The following DPEP3 variants were observed in gnomAD, a reference collection of about 807,000 sequenced individuals.
The protein encoded by DPEP3 is dipeptidase 3.
DPEP3 carries 42 observed loss-of-function variants against 47.5 expected under a neutral mutation model. The observed-to-expected ratio is 0.88, with a 90% confidence interval of 0.69 to 1.14. The LOEUF (loss-of-function observed/expected upper bound fraction) is 1.14. Among genes scored for constraint, DPEP3 ranks in the 50% most tolerant of loss-of-function variants. The pLI, the probability that DPEP3 is intolerant of heterozygous loss-of-function variation, is 0.00. For synonymous variants in DPEP3, 276 were observed against 270.2 expected (o/e 1.02, Z -0.21); for missense variants, 560 against 635.0 (o/e 0.88, Z 1.27).
At chr16:67,980,016 T>C (rs2031287523) in intron 1 of DPEP3, 78 bp downstream of exon 1, 2 of 1,526,698 alleles carry the variant, frequency 1.3e-6, no homozygotes, top group East Asian at 2.3e-5. Flanking sequence ...GATAGCCTCC[T>C]TGATAGCATG....
At position 67,977,296 on chromosome 16, in the gene DPEP3, A is replaced by AG; in HGVS notation, c.991dup (p.Leu331ProfsTer4). On this transcript the variant is annotated frameshift_variant, in exon 7 of 10. Coordinates refer to ENST00000268793, the MANE Select transcript of DPEP3 (RefSeq NM_001370198.1). LOFTEE classifies it high-confidence loss of function. ...TGCCACAGTGGACACGTTAGCAAGC[A>AG]GGTTGCACTGCAGCACCCCCATGGA... is the stretch of plus-strand genomic sequence containing the variant. 6.2e-7 allele frequency: 1 copy of AG among 1,613,968 alleles called. No homozygotes were observed. Among genetic ancestry groups the AG allele is most frequent in the Non-Finnish European group, 8.5e-7 (1 of 1,179,882 alleles).
In DPEP3 at chr16:67,978,746, A is replaced by G; in HGVS notation, c.415-120T>C. 1 of 1,136,536 alleles carries G rather than the reference A, an allele frequency of 8.8e-7. No homozygotes were observed. The highest frequency in any genetic ancestry group is 1.4e-5 in the South Asian group (1 of 69,124). The allele number at this position is 1,136,536 out of a possible 1,614,324, so 70.4% of individuals were successfully genotyped here. On this transcript the variant is annotated intron_variant, in intron 2 of 9. Coordinates refer to ENST00000268793, the MANE Select transcript of DPEP3 (RefSeq NM_001370198.1). The surrounding 1 kb of genome is among the most constrained non-coding windows in gnomAD (Gnocchi z 4.4). ...GGTCAGTGGCCCCAAGTGAGGCACT[A>G]CATGACTCCATGGTACCTTGATGAC...
intron 7 of DPEP3, among the ~76,000 whole-genome samples, 164 bp from the exon 8 acceptor site, chr16:67,976,939 T>G (rs1411259870): frequency 6.6e-6 from 1 of 152,190 alleles, no homozygotes; most frequent in East Asian, 1.9e-4. Context: ...GAGTGGACCT[T>G]GGAGCCACCC....
chr16:67,978,216 G>C lies in DPEP3; in HGVS notation c.686+51C>G. 6.2e-7 allele frequency: 1 copy of C among 1,611,940 alleles called. No homozygotes were observed. ...TTGGTCACACCCATGCCAGGAATGG[G>C]GCAGTTTCCACACCATGCCATCTAG... On this transcript the variant is annotated intron_variant, in intron 4 of 9. Transcript: ENST00000268793. This position sits in a 1 kb window ranked among gnomAD's most constrained non-coding sequence, Gnocchi z 4.4.
Position 67,978,079 on chromosome 16 carries a change from C to G in DPEP3, c.687-72G>C, listed in dbSNP as rs2031240179. 1 of 1,587,176 alleles carries G rather than the reference C, an allele frequency of 6.3e-7. No individual in the cohort carries two copies. The highest frequency in any genetic ancestry group is 8.6e-7 in the Non-Finnish European group (1 of 1,156,778). On this transcript the variant is annotated intron_variant, in intron 4 of 9. Coordinates refer to ENST00000268793, the MANE Select transcript of DPEP3 (RefSeq NM_001370198.1). This position sits in a 1 kb window ranked among gnomAD's most constrained non-coding sequence, Gnocchi z 4.4. ...CCATCACAGCCTGGGGGCCCTGGCTCTATCCATCCATCCTGCTTCCAGAAC... is the reference window on the plus strand; with the variant it reads ...CCATCACAGCCTGGGGGCCCTGGCTGTATCCATCCATCCTGCTTCCAGAAC...
rs576891145 is a variant in DPEP3 at position 67,979,526 on chromosome 16, C to T, written c.414+113G>A. The T allele has an allele frequency of 1.3e-4, 185 of 1,470,622 alleles. 3 individuals are homozygous for T. In the South Asian group the frequency reaches 2.3e-3, roughly 18 times the overall value. 91.1% of individuals were successfully genotyped at this position (1,470,622 alleles called of 1,614,324 possible). A position where few individuals can be genotyped will look rare whatever the true frequency, so the allele number is the denominator to read the frequency against. Reference sequence around the variant, plus strand: ...ACTCTCCTTAGAAACCACATGATGGCACACTGCATGCCCCATTGTATTTAG... The same window carrying T: ...ACTCTCCTTAGAAACCACATGATGGTACACTGCATGCCCCATTGTATTTAG... On this transcript the variant is annotated intron_variant, in intron 2 of 9. Transcript: ENST00000268793.
At position 67,975,750 on chromosome 16, in the gene DPEP3, C is replaced by A; in HGVS notation, c.*15G>T. Reference sequence around the variant, plus strand: ...TGAGGCTTTGCCACAGTGACCTCTGCGGGGACCGACTGTGTCAGCAGAGCC... The same window carrying A: ...TGAGGCTTTGCCACAGTGACCTCTGAGGGGACCGACTGTGTCAGCAGAGCC... On this transcript the variant is annotated 3_prime_UTR_variant, in exon 10 of 10. Coordinates refer to ENST00000268793, the MANE Select transcript of DPEP3 (RefSeq NM_001370198.1). The A allele has an allele frequency of 6.2e-7, 1 of 1,602,358 alleles. No homozygotes were observed. Among genetic ancestry groups the A allele is most frequent in the Non-Finnish European group, 8.5e-7 (1 of 1,174,254 alleles).
In DPEP3 at chr16:67,978,819, T is replaced by C. The variant is rs1287987475; in HGVS notation, c.415-193A>G. 6.6e-6 allele frequency among the ~76,000 whole-genome samples: 1 copy of C among 152,032 alleles called. No individual in the cohort carries two copies. The highest frequency in any genetic ancestry group is 1.5e-5 in the Non-Finnish European group (1 of 68,006). On this transcript the variant is annotated intron_variant, in intron 2 of 9. Coordinates refer to ENST00000268793, the MANE Select transcript of DPEP3 (RefSeq NM_001370198.1). The surrounding 1 kb of genome is among the most constrained non-coding windows in gnomAD (Gnocchi z 4.4). The stretch of plus-strand genomic sequence containing the variant: ...TTTTATTTTAAAATTTGAGACAGGG[T>C]CTTGCTCTGTCACCCAGGCTAGAGT...
chr16:67,980,308 G>GT lies in DPEP3; in HGVS notation c.72dup (p.Leu25ThrfsTer75). On this transcript the variant is annotated frameshift_variant, in exon 1 of 10. Transcript: ENST00000268793. LOFTEE classifies it high-confidence loss of function. ...ACGGGCTGCCGCAGCAGCAGCAGCAGTAGCAGGAGCAGCAGACGCCGCAGA... is the reference window on the plus strand; with the variant it reads ...ACGGGCTGCCGCAGCAGCAGCAGCAGTTAGCAGGAGCAGCAGACGCCGCAGA... The GT allele has an allele frequency of 6.4e-7, 1 of 1,565,628 alleles. No individual in the cohort carries two copies. The highest frequency in any genetic ancestry group is 1.2e-5 in the South Asian group (1 of 86,422).
At position 67,975,725 on chromosome 16, in the gene DPEP3, T is replaced by G. The variant is rs772971874; in HGVS notation, c.*40A>C. Reference sequence around the variant, plus strand: ...GAATGAACTAGGAGAGGGGGCTTTGTGAGGCTTTGCCACAGTGACCTCTGC... The same window carrying G: ...GAATGAACTAGGAGAGGGGGCTTTGGGAGGCTTTGCCACAGTGACCTCTGC... On this transcript the variant is annotated 3_prime_UTR_variant, in exon 10 of 10. Coordinates refer to ENST00000268793, the MANE Select transcript of DPEP3 (RefSeq NM_001370198.1). 6.4e-7 allele frequency: 1 copy of G among 1,564,326 alleles called. No individual in the cohort carries two copies. Among genetic ancestry groups the G allele is most frequent in the African/African-American group, 1.4e-5 (1 of 74,004 alleles).
At chr16:67,976,028 G>A (rs2031187510) in intron 9 of DPEP3, 27 bp from the exon 10 acceptor site, 2 of 1,613,372 alleles carry the variant, frequency 1.2e-6, no homozygotes, top group African/African-American at 2.7e-5. Flanking sequence ...GCAGTCAGAG[G>A]CTCCCACAGC....
intron 7 of DPEP3, 42 bp downstream of exon 7, chr16:67,977,228 A>G (rs1210842959): frequency 1.3e-6 from 2 of 1,591,292 alleles, no homozygotes; most frequent in East Asian, 4.5e-5. Flanking sequence ...CCTGGCAGCC[A>G]CAGCCCAAGC....
At chr16:67,979,576 G>T (rs1292545602) in intron 2 of DPEP3, 63 bp downstream of exon 2, 3 of 1,601,202 alleles carry the variant, frequency 1.9e-6, no homozygotes, top group Non-Finnish European at 1.7e-6. Context: ...GCTGACCCAG[G>T]TTTCTGTGAC....
At chr16:67,977,546 A>T in intron 6 of DPEP3, 107 bp downstream of exon 6, 5 of 1,402,474 alleles carry the variant, frequency 3.6e-6, no homozygotes, top group Non-Finnish European at 4.8e-6. Context: ...AGGATTAACC[A>T]GCCTTTGGTC....
rs1458165739 is a variant in DPEP3 at position 67,978,042 on chromosome 16, T to C, written c.687-35A>G. ...AGCCATGGAAGGGCAATTTAGCTGATCACACCTTGGGCCATCACAGCCTGG... is the reference window on the plus strand; with the variant it reads ...AGCCATGGAAGGGCAATTTAGCTGACCACACCTTGGGCCATCACAGCCTGG... On this transcript the variant is annotated intron_variant, in intron 4 of 9. Transcript: ENST00000268793. The surrounding 1 kb of genome is among the most constrained non-coding windows in gnomAD (Gnocchi z 4.4). The C allele has an allele frequency of 1.9e-6, 3 of 1,612,908 alleles. No homozygotes were observed. The highest frequency in any genetic ancestry group is 1.3e-5 in the African/African-American group (1 of 75,008).
At chr16:67,976,858 G>T in intron 7 of DPEP3, 83 bp from the exon 8 acceptor site, 1 of 1,222,482 alleles carries the variant, frequency 8.2e-7, no homozygotes, top group Non-Finnish European at 1.2e-6. Context: ...GGCTGTGGCA[G>T]TTGGCTCCAC....
In DPEP3 at chr16:67,978,287, GGTAA is replaced by G. The variant is rs2031244588; in HGVS notation, c.662_665del (p.Leu221ProfsTer26). On this transcript the variant is annotated frameshift_variant, in exon 4 of 10. Transcript: ENST00000268793. LOFTEE classifies it high-confidence loss of function. The surrounding 1 kb of genome is among the most constrained non-coding windows in gnomAD (Gnocchi z 4.4). ...CTCACCATGGTGTACTGCAGGTGAA[GGTAA>G]GTGTCAGGTAGCGCACCCCCAGCAC... The G allele has an allele frequency of 6.2e-7, 1 of 1,614,178 alleles. No homozygotes were observed. Among genetic ancestry groups the G allele is most frequent in the East Asian group, 2.2e-5 (1 of 44,886 alleles).
At position 67,978,400 on chromosome 16, in the gene DPEP3, T is replaced by C. The variant is rs149138054; in HGVS notation, c.553A>G (p.Ser185Gly). Reference protein sequence around the residue: ...ELVTSAEGLNSSQKLACLIGV... With the variant: ...ELVTSAEGLNGSQKLACLIGV... The stretch of plus-strand genomic sequence containing the variant: ...ATGAGGCAGGCCAGCTTTTGAGAGC[T>C]GTTCAGACCTAGAAGGAGGTAGAGA... Residue 185 changes from serine to glycine, a missense_variant, in exon 4 of 10, where the codon AGC becomes GGC. Physicochemically the swap from Ser to Gly is moderately conservative, Grantham distance 56 (BLOSUM62 0). Transcript: ENST00000268793. The surrounding 1 kb of genome is among the most constrained non-coding windows in gnomAD (Gnocchi z 4.4). 2 of 1,613,900 alleles carry C rather than the reference T, an allele frequency of 1.2e-6. No individual in the cohort carries two copies. The highest frequency in any genetic ancestry group is 2.7e-5 in the African/African-American group (2 of 74,930).
chr16:67,979,843 C>A, intron 1 of DPEP3, 78 bp from the exon 2 acceptor site: 1 of 1,568,806 alleles, frequency 6.4e-7, no homozygotes, highest in Non-Finnish European at 8.6e-7. Context: ...CTACCCTCCT[C>A]CACCCCACCA....
Sources: gnomAD v4.1 joint callset for allele counts (sites outside exome capture counted in the v4.1 genomes callset) on GRCh38, gnomAD v4.1.1 for gene constraint, Gnocchi (gnomAD v3.1) non-coding constraint, MANE v1.5 for transcripts, NCBI Gene and HGNC (gene_info 2026-07-23, HGNC 2026-07-21) for gene names.